MRPS31: variants seen among roughly 807,000 people sequenced by gnomAD.
MRPS31 encodes the protein small ribosomal subunit protein mS31.
MRPS31 carries 32 observed loss-of-function variants against 43.1 expected under a neutral mutation model. That is an observed-to-expected ratio of 0.74 (90% confidence interval 0.56 to 1.00). MRPS31 has a LOEUF of 1.00. Among genes scored for constraint, MRPS31 ranks in the 50% least tolerant of loss-of-function variants. MRPS31 has a pLI of 0.00. For synonymous variants in MRPS31, 165 were observed against 161.6 expected (o/e 1.02, Z -0.16); for missense variants, 437 against 466.7 (o/e 0.94, Z 0.59).
At position 40,756,890 on chromosome 13, in the gene MRPS31, C is replaced by G. The variant is rs35247606; in HGVS notation, c.723G>C (p.Thr241=). ...CCTGATACCTTTTTTTAAGATCATC[C>G]GTCTTCTCCTGGCCAGGATAATTGT... The part of the protein sequence containing the change: ...GYDNYPGQEK[T]DDLKKRKNIF... The change falls in exon 4 of 7, where the codon ACG becomes ACC. Residue 241 remains threonine, a synonymous_variant. Transcript: ENST00000323563. The G allele has an allele frequency of 0.022, 34,700 of 1,612,646 alleles. 1,493 individuals are homozygous for G. The highest frequency in any genetic ancestry group is 0.15 in the East Asian group (6,607 of 44,820).
chr13:40,736,400 G>GC (rs1430111360), intron 6 of MRPS31, among the ~76,000 whole-genome samples: 10 of 150,106 alleles, frequency 6.7e-5, no homozygotes, highest in Non-Finnish European at 1.2e-4. Flanking sequence ...AGCAAGGCAG[G>GC]CCAACGTTCA....
Position 40,757,011 on chromosome 13 carries a change from A to G in MRPS31, c.602T>C (p.Phe201Ser). Residue 201 changes from phenylalanine (F) to serine (S), a missense_variant and splice_region_variant, in exon 4 of 7, where the codon TTC becomes TCC. Phe to Ser is a radical substitution (Grantham distance 155, BLOSUM62 -2). Coordinates refer to ENST00000323563, the MANE Select transcript of MRPS31 (RefSeq NM_005830.4). ...TTTCATATCTGATATTATGTTACTG[A>G]AACTGAAATAATAAAAAGGTCAAGT... ...QRDAKRPKIS[F>S]SNIISDMKVA... 1 of 1,602,864 alleles carries G rather than the reference A, an allele frequency of 6.2e-7. No homozygotes were observed. The highest frequency in any genetic ancestry group is 1.1e-5 in the South Asian group (1 of 88,888).
intron 6 of MRPS31, among the ~76,000 whole-genome samples, chr13:40,731,436 G>A (rs1879696056): frequency 6.6e-6 from 1 of 151,584 alleles, no homozygotes; most frequent in Non-Finnish European, 1.5e-5. Context: ...ACAAAAATTA[G>A]CTGGGCACGG....
chr13:40,763,854 C>G (rs916527903), intron 2 of MRPS31, among the ~76,000 whole-genome samples: 15 of 152,318 alleles, frequency 9.8e-5, no homozygotes, highest in Middle Eastern at 3.4e-3. Flanking sequence ...CGGAACCCAG[C>G]TACCAGGCAA....
chr13:40,743,417 C>T (rs761133747), intron 6 of MRPS31, among the ~76,000 whole-genome samples: 1 of 151,890 alleles, frequency 6.6e-6, no homozygotes, highest in East Asian at 1.9e-4. Context: ...AACAGAAAAC[C>T]TACAGAATGA....
chr13:40,758,985 A>G lies in MRPS31; in HGVS notation c.562T>C (p.Ser188Pro), dbSNP rs774724951. ...LSQLQQHEEESRAQRDAKRPK... is the reference protein window; with the variant it reads ...LSQLQQHEEEPRAQRDAKRPK... ...CGCTTTGCATCTCTCTGTGCCCTTG[A>G]CTCTTCCTCATGCTGCTGGAGCTGG... The change falls in exon 3 of 7, where the codon TCA (serine) becomes CCA (proline). Residue 188 changes from serine to proline, a missense_variant. Ser to Pro is a moderately conservative substitution (Grantham distance 74, BLOSUM62 -1). Transcript: ENST00000323563. 1 of 1,606,868 alleles carries G rather than the reference A, an allele frequency of 6.2e-7. No homozygotes were observed. The highest frequency in any genetic ancestry group is 2.2e-5 in the East Asian group (1 of 44,754).
intron 6 of MRPS31, among the ~76,000 whole-genome samples, chr13:40,735,193 G>T (rs1398661001): frequency 1.3e-5 from 2 of 152,154 alleles, no homozygotes; most frequent in Non-Finnish European, 2.9e-5. Flanking sequence ...GGAAAATCGG[G>T]TCACTCCCAC....
rs1163130060 is a variant in MRPS31 at position 40,729,573 on chromosome 13, A to G, written c.987T>C (p.His329=). Reference sequence around the variant, plus strand: ...GGTGTTTCTCCAGAAATATATGTTCATGAAATTCTGAACCATCATCATCAA... The same window carrying G: ...GGTGTTTCTCCAGAAATATATGTTCGTGAAATTCTGAACCATCATCATCAA... ...AGFDDDGSEF[H]EHIFLEKHLE... is the part of the protein sequence containing the mutation. The change falls in exon 7 of 7, where the codon CAT becomes CAC. Residue 329 remains histidine, a synonymous_variant. Transcript: ENST00000323563. 5 of 1,613,640 alleles carry G rather than the reference A, an allele frequency of 3.1e-6. No homozygotes were observed. The South Asian group carries it at 4.4e-5, about 14-fold the overall frequency.
chr13:40,748,345 C>T (rs140589929), intron 6 of MRPS31, among the ~76,000 whole-genome samples: 2,550 of 152,262 alleles, frequency 0.017, 50 homozygotes, highest in African/African-American at 0.055. Context: ...TTAGTAGAGA[C>T]GGTGTTTCAC....
At chr13:40,735,482 G>A (rs200737706) in intron 6 of MRPS31, among the ~76,000 whole-genome samples, 5,471 of 151,634 alleles carry the variant, frequency 0.036, 355 homozygotes, top group East Asian at 0.27. Context: ...GGGGCAGGGC[G>A]CAGACAAACA....
chr13:40,746,837 T>C (rs775884518), intron 6 of MRPS31, among the ~76,000 whole-genome samples: 10 of 152,352 alleles, frequency 6.6e-5, no homozygotes, highest in Admixed American at 6.5e-4. Context: ...ATGTTGTTGC[T>C]GTAGAAACAG....
intron 6 of MRPS31, among the ~76,000 whole-genome samples, chr13:40,741,576 A>G (rs985927184): frequency 3.3e-5 from 5 of 152,184 alleles, no homozygotes; most frequent in African/African-American, 1.2e-4. Context: ...AAAGGTTAAC[A>G]ATATCCAGTA....
Position 40,765,508 on chromosome 13 carries a change from T to C in MRPS31, c.440+1238A>G, listed in dbSNP as rs114544971. Among the ~76,000 whole-genome samples, 992 of 152,324 alleles carry C rather than the reference T, an allele frequency of 6.5e-3. 12 individuals carry two copies. Among genetic ancestry groups the C allele is most frequent in the African/African-American group, 0.023 (942 of 41,556 alleles). On this transcript the variant is annotated intron_variant, in intron 2 of 6. Transcript: ENST00000323563. ...TTAAAAATGCCATTCTTGAAAAGTATTTATATATGTTTGTATTATTTATTT... is the reference window on the plus strand; with the variant it reads ...TTAAAAATGCCATTCTTGAAAAGTACTTATATATGTTTGTATTATTTATTT...
chr13:40,752,278 C>T (rs1880412044), intron 5 of MRPS31: 2 of 152,378 alleles, frequency 1.3e-5, no homozygotes, highest in Middle Eastern at 3.4e-3. Context: ...CCCACCTCAG[C>T]CTCCGAAAGT....
At chr13:40,765,297 AT>A (rs1467110180) in intron 2 of MRPS31, among the ~76,000 whole-genome samples, 1 of 152,244 alleles carries the variant, frequency 6.6e-6, no homozygotes, top group African/African-American at 2.4e-5. Flanking sequence ...TTACAAAGCA[AT>A]CTAAGTGTAT....
At chr13:40,748,643 T>C (rs950106915) in intron 6 of MRPS31, among the ~76,000 whole-genome samples, 2 of 152,236 alleles carry the variant, frequency 1.3e-5, no homozygotes, top group Admixed American at 1.3e-4. Context: ...GCACCTATAT[T>C]ATGCAGGCAA....
intron 2 of MRPS31, among the ~76,000 whole-genome samples, chr13:40,760,961 G>C (rs1593277523): frequency 6.6e-6 from 1 of 152,076 alleles, no homozygotes; most frequent in Middle Eastern, 3.4e-3. Context: ...AATCTGATAG[G>C]AATAGAAGAA....
intron 6 of MRPS31, among the ~76,000 whole-genome samples, chr13:40,742,712 A>C (rs1481130538): frequency 1.3e-5 from 2 of 152,214 alleles, no homozygotes; most frequent in Non-Finnish European, 2.9e-5. Flanking sequence ...ACACATAAGA[A>C]GTGAAAAAGT....
chr13:40,771,004 T>A lies in MRPS31; in HGVS notation c.133A>T (p.Ser45Cys). The A allele has an allele frequency of 6.2e-7, 1 of 1,614,152 alleles. No homozygotes were observed. ...ACCTACCGGGCCAACAGCGCTGAACTGCGGTACCTGACTGTTCCGTGCCGA... is the reference window on the plus strand; with the variant it reads ...ACCTACCGGGCCAACAGCGCTGAACAGCGGTACCTGACTGTTCCGTGCCGA... ...TVRHGTVRYR[S>C]SALLARTKNN... The change falls in exon 1 of 7, where the codon AGT (serine) becomes TGT (cysteine). Residue 45 changes from serine to cysteine, a missense_variant. Ser to Cys is a moderately radical substitution (Grantham distance 112, BLOSUM62 -1). Coordinates refer to ENST00000323563, the MANE Select transcript of MRPS31 (RefSeq NM_005830.4).
Sources: gnomAD v4.1 joint callset for allele counts (sites outside exome capture counted in the v4.1 genomes callset) on GRCh38, gnomAD v4.1.1 for gene constraint, MANE v1.5 for transcripts, NCBI Gene and HGNC (gene_info 2026-07-23, HGNC 2026-07-21) for gene names.